The following NAA15 variants were observed in gnomAD, a reference collection of about 807,000 sequenced individuals.
NAA15 encodes the protein N-terminal acetyltransferase.
In NAA15, 34 loss-of-function variants were observed where a neutral mutation model predicts 114.0. The observed-to-expected ratio is 0.30, with a 90% CI of 0.23 to 0.40. NAA15 has a LOEUF of 0.40. Among genes scored for constraint, NAA15 ranks in the 10% least tolerant of loss-of-function variants. NAA15 has a pLI of 1.00. For missense variants in NAA15, 658 were observed against 1,004.5 expected (o/e 0.66, Z 4.66); for synonymous variants, 340 against 338.0 (o/e 1.01, Z -0.06).
intron 3 of NAA15, among the ~76,000 whole-genome samples, chr4:139,337,712 T>G (rs1245374707): frequency 6.6e-6 from 1 of 152,192 alleles, no homozygotes; most frequent in Non-Finnish European, 1.5e-5. Flanking sequence ...GCTGAAACAA[T>G]TAGCAATTTT....
At chr4:139,381,273 A>T (rs1374700504) in intron 17 of NAA15, among the ~76,000 whole-genome samples, 1 of 152,172 alleles carries the variant, frequency 6.6e-6, no homozygotes, top group Non-Finnish European at 1.5e-5. Flanking sequence ...AAGTTGTAGG[A>T]CTTAAAACAA....
intron 3 of NAA15, among the ~76,000 whole-genome samples, chr4:139,338,900 T>A (rs900220981): frequency 6.6e-6 from 1 of 152,130 alleles, no homozygotes; most frequent in African/African-American, 2.4e-5. Flanking sequence ...AACCTCTACC[T>A]CCTGGGTTCA....
At chr4:139,341,898 T>C (rs1307786102) in intron 4 of NAA15, among the ~76,000 whole-genome samples, 1 of 151,880 alleles carries the variant, frequency 6.6e-6, no homozygotes, top group Non-Finnish European at 1.5e-5. Context: ...ATTTTTTATA[T>C]TCTAATAGAG....
chr4:139,321,115 C>T (rs1034702660), intron 1 of NAA15, among the ~76,000 whole-genome samples: 1 of 151,550 alleles, frequency 6.6e-6, no homozygotes, highest in Admixed American at 6.6e-5. Flanking sequence ...CTTATTTTTT[C>T]GTATTTTTTC....
At chr4:139,315,001 T>TTCAGTTTAGG (rs1181192026) in intron 1 of NAA15, among the ~76,000 whole-genome samples, 4 of 74,384 alleles carry the variant, frequency 5.4e-5, no homozygotes, top group South Asian at 9.5e-4. Context: ...TTCAGTTCAG[T>TTCAGTTTAGG]TTAGTTTAGG....
At chr4:139,316,091 C>T (rs1746403182) in intron 1 of NAA15, among the ~76,000 whole-genome samples, 1 of 151,650 alleles carries the variant, frequency 6.6e-6, no homozygotes, top group African/African-American at 2.4e-5. Flanking sequence ...TTTAGTACTA[C>T]AATATTGTTA....
intron 1 of NAA15, chr4:139,302,417 TCCTTGTAG>T: frequency 6.6e-6 from 1 of 152,424 alleles, no homozygotes; most frequent in South Asian, 2.1e-4. Flanking sequence ...AACGACTACC[TCCTTGTAG>T]TCAGTTGCAT....
intron 13 of NAA15, among the ~76,000 whole-genome samples, chr4:139,361,268 AC>A (rs1385069516): frequency 6.6e-6 from 1 of 152,094 alleles, no homozygotes; most frequent in African/African-American, 2.4e-5. Flanking sequence ...TTTCTTTTCC[AC>A]ATACCAGCAT....
Position 139,301,662 on chromosome 4 carries a change from TG to T in NAA15, c.-114del. On this transcript the variant is annotated 5_prime_UTR_variant, in exon 1 of 20. Transcript: ENST00000296543. Reference sequence around the variant, plus strand: ...CGCGGCGACACCCGAGGCCTGGTGGTGGCGGCGGATCGAGATATTCAAGGCT... The same window carrying T: ...CGCGGCGACACCCGAGGCCTGGTGGTGCGGCGGATCGAGATATTCAAGGCT... 13 of 1,227,090 alleles carry T rather than the reference TG, an allele frequency of 1.1e-5. No homozygotes were observed. The highest frequency in any genetic ancestry group is 1.5e-5 in the Non-Finnish European group (13 of 879,524). 76.0% of individuals were successfully genotyped at this position (1,227,090 alleles called of 1,614,324 possible). A position where few individuals can be genotyped will look rare whatever the true frequency, so the allele number is the denominator to read the frequency against.
chr4:139,333,907 A>G (rs537752046), intron 1 of NAA15, among the ~76,000 whole-genome samples: 3 of 152,282 alleles, frequency 2.0e-5, no homozygotes, highest in African/African-American at 7.2e-5. Context: ...TTAAAAAAAA[A>G]TAAATAAAAG....
chr4:139,318,204 C>A (rs994703861), intron 1 of NAA15, among the ~76,000 whole-genome samples: 3 of 152,106 alleles, frequency 2.0e-5, no homozygotes, highest in Non-Finnish European at 1.5e-5. Context: ...CTTTTTTATT[C>A]TGAGACTGAG....
chr4:139,338,269 A>G (rs2110904843), intron 3 of NAA15, among the ~76,000 whole-genome samples: 1 of 152,362 alleles, frequency 6.6e-6, no homozygotes, highest in African/African-American at 2.4e-5. Flanking sequence ...TTATAAAACC[A>G]TGATCCAAAC....
intron 8 of NAA15, 39 bp from the exon 9 acceptor site, chr4:139,351,466 C>T: frequency 1.6e-6 from 2 of 1,266,494 alleles, no homozygotes; most frequent in Non-Finnish European, 2.3e-6. Context: ...TAAGTAAATA[C>T]TTGATAAATA....
chr4:139,366,952 C>T (rs1373536220), intron 14 of NAA15, among the ~76,000 whole-genome samples: 3 of 152,196 alleles, frequency 2.0e-5, no homozygotes, highest in African/African-American at 2.4e-5. Context: ...ATTTCAAGGC[C>T]TTCAGAAGTC....
chr4:139,304,360 A>G (rs1042085213), intron 1 of NAA15, among the ~76,000 whole-genome samples: 12 of 152,276 alleles, frequency 7.9e-5, no homozygotes, highest in Admixed American at 2.0e-4. Context: ...TTATTATAAC[A>G]TTGATACAAT....
Position 139,344,308 on chromosome 4 carries a change from T to A in NAA15, c.660T>A (p.Ile220=). The A allele has an allele frequency of 1.9e-6, 3 of 1,610,610 alleles. No individual in the cohort carries two copies. Among genetic ancestry groups the A allele is most frequent in the Non-Finnish European group, 2.5e-6 (3 of 1,178,736 alleles). The change falls in exon 6 of 20, where the codon ATT becomes ATA. Residue 220 remains isoleucine, a synonymous_variant. Coordinates refer to ENST00000296543, the MANE Select transcript of NAA15 (RefSeq NM_057175.5). ...LEHLCTYEKQ[I]CDKLAVEETK... is the part of the protein sequence containing the mutation. ...ATCTTTGTACCTATGAAAAGCAGAT[T>A]TGTGATAAACTTGCTGTAGAAGAAA...
At chr4:139,350,435 G>A (rs948453696) in intron 7 of NAA15, among the ~76,000 whole-genome samples, 1 of 152,182 alleles carries the variant, frequency 6.6e-6, no homozygotes, top group African/African-American at 2.4e-5. Flanking sequence ...GGGAAGAGGG[G>A]TTAAATTTCT....
chr4:139,303,184 G>A (rs533367245), intron 1 of NAA15, among the ~76,000 whole-genome samples: 90 of 152,308 alleles, frequency 5.9e-4, no homozygotes, highest in Admixed American at 8.5e-4. Flanking sequence ...CTGTTACCTT[G>A]AAATTCTTAC....
chr4:139,316,594 G>A (rs1441643571), intron 1 of NAA15, among the ~76,000 whole-genome samples: 1 of 151,810 alleles, frequency 6.6e-6, no homozygotes. Flanking sequence ...CTCTGTAAGC[G>A]TTTTTGATGT....
Sources: gnomAD v4.1 joint callset for allele counts (sites outside exome capture counted in the v4.1 genomes callset) on GRCh38, gnomAD v4.1.1 for gene constraint, MANE v1.5 for transcripts, NCBI Gene and HGNC (gene_info 2026-07-23, HGNC 2026-07-21) for gene names.